Variants in ROBO2 observed in about 807,000 individuals in gnomAD.
The protein encoded by ROBO2 is roundabout homolog 2.
In ROBO2, 53 loss-of-function variants were observed where a neutral mutation model predicts 160.8. That is an observed-to-expected ratio of 0.33 (90% CI 0.26 to 0.41). The LOEUF (loss-of-function observed/expected upper bound fraction) is 0.41, where lower values mean the gene tolerates loss of function less well. Ranked by LOEUF, ROBO2 falls within the 10% of genes least tolerant of loss-of-function variation. ROBO2 has a pLI of 1.00. For synonymous variants in ROBO2, 664 were observed against 611.7 expected (o/e 1.09, Z -1.26); for missense variants, 1,577 against 1,722.4 (o/e 0.92, Z 1.49).
chr3:76,738,807 G>A (rs1014665844), intron 2 of ROBO2, among the ~76,000 whole-genome samples: 12 of 150,824 alleles, frequency 8.0e-5, no homozygotes, highest in African/African-American at 2.9e-4. Context: ...CATGAAATGA[G>A]GCTGGTTTTA....
intron 19 of ROBO2, among the ~76,000 whole-genome samples, chr3:77,601,881 A>G (rs1377684888): frequency 6.6e-6 from 1 of 152,202 alleles, no homozygotes; most frequent in Non-Finnish European, 1.5e-5. Context: ...GTAAAGTGCT[A>G]ACACTTTCAT....
intron 2 of ROBO2, among the ~76,000 whole-genome samples, chr3:76,620,261 A>C (rs1055223544): frequency 2.6e-5 from 4 of 152,186 alleles, no homozygotes; most frequent in African/African-American, 7.2e-5. Flanking sequence ...ATTCTCATGA[A>C]ACATTAATGT....
chr3:76,349,956 A>G (rs143620426), intron 2 of ROBO2, among the ~76,000 whole-genome samples: 138 of 152,138 alleles, frequency 9.1e-4, no homozygotes, highest in Middle Eastern at 6.8e-3. Flanking sequence ...GCTATGAGCA[A>G]ACCTGCCCTT....
intron 22 of ROBO2, among the ~76,000 whole-genome samples, chr3:77,619,554 T>C (rs1003309633): frequency 6.6e-6 from 1 of 152,142 alleles, no homozygotes; most frequent in African/African-American, 2.4e-5. Context: ...TTACACACCA[T>C]GGAGAATTGC....
chr3:77,488,753 T>A (rs1392819176), intron 4 of ROBO2, among the ~76,000 whole-genome samples: 1 of 152,202 alleles, frequency 6.6e-6, no homozygotes, highest in Non-Finnish European at 1.5e-5. Context: ...CTTGGCTTTG[T>A]GTTTGGCTTA....
At chr3:75,964,806 T>C (rs746594761) in intron 2 of ROBO2, among the ~76,000 whole-genome samples, 1 of 151,734 alleles carries the variant, frequency 6.6e-6, no homozygotes, top group Non-Finnish European at 1.5e-5. Flanking sequence ...TTGCATGTTG[T>C]TACATTTATT....
chr3:77,579,862 A>T, intron 15 of ROBO2, 85 bp from the exon 17 acceptor site: 3 of 1,273,036 alleles, frequency 2.4e-6, no homozygotes, highest in Non-Finnish European at 3.4e-6. Context: ...GGTTATGATT[A>T]AAAAATATTT....
intron 2 of ROBO2, among the ~76,000 whole-genome samples, chr3:76,246,197 A>G (rs1464293481): frequency 1.3e-5 from 2 of 152,036 alleles, no homozygotes; most frequent in South Asian, 2.1e-4. Flanking sequence ...TTTCCTGCAT[A>G]TCATCTCACA....
intron 2 of ROBO2, among the ~76,000 whole-genome samples, chr3:77,237,373 CT>C (rs910656183): frequency 7.1e-6 from 1 of 140,124 alleles, no homozygotes. Flanking sequence ...CTTTTCTTTT[CT>C]TTTTTTTTCT....
chr3:77,332,615 T>A (rs181923052), intron 2 of ROBO2, among the ~76,000 whole-genome samples: 1 of 152,316 alleles, frequency 6.6e-6, no homozygotes, highest in Admixed American at 6.5e-5. Flanking sequence ...ATACTTGATA[T>A]AACATACATA....
chr3:76,950,956 A>G (rs6419720), intron 2 of ROBO2, among the ~76,000 whole-genome samples: 125,704 of 152,058 alleles, frequency 0.83, 52,524 homozygotes, highest in African/African-American at 0.95. Context: ...TGGAACTCCC[A>G]GGGTCAAGCA....
At chr3:76,745,071 G>A (rs188467726) in intron 2 of ROBO2, among the ~76,000 whole-genome samples, 156 of 152,164 alleles carry the variant, frequency 1.0e-3, no homozygotes, top group African/African-American at 3.6e-3. Context: ...AAAAGTGCAC[G>A]TGACTTTCAA....
At chr3:77,172,100 T>C (rs560689966) in intron 2 of ROBO2, among the ~76,000 whole-genome samples, 3 of 152,292 alleles carry the variant, frequency 2.0e-5, no homozygotes, top group Non-Finnish European at 4.4e-5. Context: ...AATTTACATA[T>C]TTTTGTTCTG....
chr3:77,432,219 A>G (rs2078845479), intron 2 of ROBO2, among the ~76,000 whole-genome samples: 1 of 152,176 alleles, frequency 6.6e-6, no homozygotes, highest in Non-Finnish European at 1.5e-5. Flanking sequence ...AAACAGTGGC[A>G]TTTACAGAAG....
intron 2 of ROBO2, among the ~76,000 whole-genome samples, chr3:76,745,400 T>C (rs1405878588): frequency 6.6e-6 from 1 of 152,180 alleles, no homozygotes; most frequent in Non-Finnish European, 1.5e-5. Context: ...AAAGGCACAT[T>C]GCAATAAGAT....
In ROBO2 at chr3:76,615,000, C is replaced by T. The variant is rs991343286; in HGVS notation, c.110-483014C>T. Among the ~76,000 whole-genome samples the T allele has an allele frequency of 3.3e-5, 5 of 152,178 alleles. No homozygotes were observed. The South Asian group carries it at 8.3e-4, about 25-fold the overall frequency. On this transcript the variant is annotated intron_variant, in intron 2 of 26. Transcript: ENST00000487694. ...CTTGTTGACAAGATTAGGACCAAAA[C>T]TTAAACAAGCTTTCATACTTTTAAT...
intron 2 of ROBO2, among the ~76,000 whole-genome samples, chr3:77,114,878 A>C (rs1203960807): frequency 6.6e-6 from 1 of 152,194 alleles, no homozygotes; most frequent in African/African-American, 2.4e-5. Flanking sequence ...TCACCCAAAT[A>C]GCATAATTTT....
At chr3:77,234,699 C>A (rs577293663) in intron 2 of ROBO2, among the ~76,000 whole-genome samples, 1 of 152,196 alleles carries the variant, frequency 6.6e-6, no homozygotes, top group African/African-American at 2.4e-5. Flanking sequence ...TATGTAAGTG[C>A]TTTGTTCATG....
chr3:76,496,506 T>G (rs2080160970), intron 2 of ROBO2, among the ~76,000 whole-genome samples: 1 of 152,202 alleles, frequency 6.6e-6, no homozygotes, highest in African/African-American at 2.4e-5. Context: ...TGCTTCTATA[T>G]TTTGAAAACC....
Sources: allele counts gnomAD v4.1 joint callset (sites outside exome capture counted in the v4.1 genomes callset), GRCh38; gene constraint gnomAD v4.1.1; transcripts MANE v1.5; gene names NCBI Gene and HGNC (gene_info 2026-07-23, HGNC 2026-07-21).